Variants in RBFOX1 observed in about 807,000 individuals in gnomAD.
RBFOX1 encodes RNA binding fox-1 homolog 1.
A neutral mutation model predicts 57.7 loss-of-function variants in RBFOX1; 8 were observed. That is an observed-to-expected ratio of 0.14 (90% CI 0.08 to 0.25). The LOEUF is 0.25. Ranked by LOEUF, RBFOX1 falls within the 10% of genes least tolerant of loss-of-function variation. The pLI is 1.00. For missense variants in RBFOX1, 611 were observed against 548.5 expected (o/e 1.11, Z -1.14); for synonymous variants, 326 against 222.4 (o/e 1.47, Z -4.15).
chr16:6,239,726 T>A (rs1015400699), intron 1 of RBFOX1, among the ~76,000 whole-genome samples: 1 of 152,104 alleles, frequency 6.6e-6, no homozygotes, highest in African/African-American at 2.4e-5. Context: ...CTTGAACTCC[T>A]GACCTCATGA....
intron 1 of RBFOX1, among the ~76,000 whole-genome samples, chr16:5,401,812 C>T (rs907343489): frequency 6.6e-6 from 1 of 151,534 alleles, no homozygotes; most frequent in Admixed American, 6.6e-5. Context: ...TCCTCCTTCT[C>T]CTTCTCGTGC....
At chr16:6,678,291 AT>A (rs1215175020) in intron 3 of RBFOX1, among the ~76,000 whole-genome samples, 1 of 151,902 alleles carries the variant, frequency 6.6e-6, no homozygotes, top group Non-Finnish European at 1.5e-5. Flanking sequence ...CACATGGCTA[AT>A]TTTTGTGTTT....
rs755899859 is a variant in RBFOX1, at chr16:7,333,103, C to G, written c.28-185044C>G. ...GACTGATTCAGGTAATTCAAGGCCT[C>G]TGCCAGCCAGCAACTTAACTCCAGA... On this transcript the variant is annotated intron_variant, in intron 4 of 15. Transcript: ENST00000550418. 5.6e-6 allele frequency: 9 copies of G among 1,609,888 alleles called. No individual in the cohort carries two copies. Among genetic ancestry groups the G allele is most frequent in the Non-Finnish European group, 7.6e-6 (9 of 1,176,584 alleles).
At chr16:5,811,662 G>A (rs1339893305) in intron 3 of RBFOX1, among the ~76,000 whole-genome samples, 1 of 151,362 alleles carries the variant, frequency 6.6e-6, no homozygotes, top group African/African-American at 2.4e-5. Context: ...TGTTGGCCTG[G>A]GTGGTGTCCA....
In RBFOX1 at chr16:5,346,678, G is replaced by C. The variant is rs151090103; in HGVS notation, c.219+106573G>C. On this transcript the variant is annotated intron_variant, in intron 1 of 2. Transcript: ENST00000585867. ...GAGTGGAGTGTGCTGTGGGAGTGGA[G>C]TGAGATGAAACAGCTTTGCTGTTTT... Among the ~76,000 whole-genome samples the C allele has an allele frequency of 5.3e-5, 8 of 152,340 alleles. No individual in the cohort carries two copies. The East Asian group carries it at 1.5e-3, about 29-fold the overall frequency.
At chr16:5,601,256 G>A (rs1355330492), downstream of RBFOX1, 2 of 152,436 alleles carry the variant, frequency 1.3e-5, no homozygotes, top group African/African-American at 4.8e-5. Context: ...TCTTCTGAAG[G>A]CTGGAGTGGG....
In RBFOX1 at chr16:5,292,611, T is replaced by G. The variant is rs1456682803; in HGVS notation, c.219+52506T>G. On this transcript the variant is annotated intron_variant, in intron 1 of 2. Transcript: ENST00000585867. The stretch of plus-strand genomic sequence containing the variant: ...GGGAGTCAATGGAGTGATTCTAGTT[T>G]GGTGTTCATATCAGAGGGATTTATT... 5.3e-5 allele frequency among the ~76,000 whole-genome samples: 8 copies of G among 151,386 alleles called. No individual in the cohort carries two copies. In the Admixed American group the frequency reaches 5.3e-4, roughly 10 times the overall value.
At chr16:7,125,988 C>T (rs1241868079) in intron 4 of RBFOX1, among the ~76,000 whole-genome samples, 1 of 152,146 alleles carries the variant, frequency 6.6e-6, no homozygotes, top group Admixed American at 6.5e-5. Flanking sequence ...GAGGCTGAGG[C>T]AGGAGAATCA....
At chr16:5,521,716 A>G (rs1306918242) in intron 2 of RBFOX1, among the ~76,000 whole-genome samples, 1 of 152,168 alleles carries the variant, frequency 6.6e-6, no homozygotes, top group African/African-American at 2.4e-5. Context: ...TGAGCCCAAG[A>G]CTTGGTTAGG....
At chr16:6,795,315 C>A (rs1284421802) in intron 3 of RBFOX1, among the ~76,000 whole-genome samples, 1 of 152,080 alleles carries the variant, frequency 6.6e-6, no homozygotes, top group African/African-American at 2.4e-5. Context: ...AGTGATTTTT[C>A]CAACACTGGT....
intron 3 of RBFOX1, among the ~76,000 whole-genome samples, chr16:6,885,945 C>G (rs1025911014): frequency 6.6e-6 from 1 of 152,180 alleles, no homozygotes; most frequent in Non-Finnish European, 1.5e-5. Flanking sequence ...AAAATGATTT[C>G]TCTTGATTTG....
intron 4 of RBFOX1, among the ~76,000 whole-genome samples, chr16:7,247,147 A>G (rs1250790083): frequency 6.6e-6 from 1 of 151,862 alleles, no homozygotes; most frequent in Non-Finnish European, 1.5e-5. Context: ...TTTGGAGGGA[A>G]CTCTGGTCCC....
intron 3 of RBFOX1, among the ~76,000 whole-genome samples, chr16:6,856,524 G>C (rs938367035): frequency 4.6e-5 from 7 of 152,182 alleles, no homozygotes; most frequent in Non-Finnish European, 7.4e-5. Context: ...TGGTAAGAAA[G>C]GAAAATGCTC....
chr16:6,020,042 T>G, intron 1 of RBFOX1, 50 bp downstream of exon 1: 9 of 1,430,298 alleles, frequency 6.3e-6, no homozygotes, highest in Non-Finnish European at 7.4e-6. Flanking sequence ...ACCTGGTGGG[T>G]CAGGTCCAGA....
At chr16:6,682,036 C>T (rs2058723039) in intron 3 of RBFOX1, among the ~76,000 whole-genome samples, 2 of 152,182 alleles carry the variant, frequency 1.3e-5, no homozygotes, top group South Asian at 4.1e-4. Flanking sequence ...TGACTGAGAA[C>T]TCTTTGCTCA....
At chr16:6,169,580 A>T (rs1334775707) in intron 1 of RBFOX1, among the ~76,000 whole-genome samples, 1 of 152,190 alleles carries the variant, frequency 6.6e-6, no homozygotes, top group Non-Finnish European at 1.5e-5. Context: ...TGTATAGACA[A>T]AAAAAGGGAA....
At chr16:5,893,586 C>T (rs2058093853) in intron 4 of RBFOX1, among the ~76,000 whole-genome samples, 1 of 152,134 alleles carries the variant, frequency 6.6e-6, no homozygotes, top group African/African-American at 2.4e-5. Flanking sequence ...GCGGGTGGAT[C>T]ACCTGAGGTC....
intron 3 of RBFOX1, among the ~76,000 whole-genome samples, chr16:7,015,198 A>T (rs546446475): frequency 6.6e-6 from 1 of 152,146 alleles, no homozygotes; most frequent in Non-Finnish European, 1.5e-5. Context: ...ACAGCAGCAG[A>T]TGCATCCAGT....
chr16:6,314,662 AG>A (rs1254042284), intron 1 of RBFOX1, among the ~76,000 whole-genome samples: 1 of 105,252 alleles, frequency 9.5e-6, no homozygotes, highest in East Asian at 2.7e-4. Flanking sequence ...GACAGGAAAG[AG>A]GGGGTAGGAG....
Sources: gnomAD v4.1 joint callset for allele counts (sites outside exome capture counted in the v4.1 genomes callset) on GRCh38, gnomAD v4.1.1 for gene constraint, MANE v1.5 for transcripts, NCBI Gene and HGNC (gene_info 2026-07-23, HGNC 2026-07-21) for gene names.